Variants in RSU1 observed in about 807,000 individuals in gnomAD.
The protein encoded by RSU1 is Ras suppressor protein 1.
A neutral mutation model predicts 31.1 loss-of-function variants in RSU1; 26 were observed. The observed-to-expected ratio is 0.84, with a 90% CI of 0.61 to 1.16. The LOEUF (loss-of-function observed/expected upper bound fraction) is 1.16, where lower values mean the gene tolerates loss of function less well. Ranked by LOEUF, RSU1 falls within the 50% of genes most tolerant of loss-of-function variation. The probability of loss-of-function intolerance (pLI) is 0.00; values close to 1 mark genes in which losing one functional copy is unlikely to be tolerated. For synonymous variants in RSU1, 164 were observed against 136.3 expected, an observed-to-expected ratio of 1.20 and a Z score of -1.41; for missense variants, 320 against 339.1, an observed-to-expected ratio of 0.94 and a Z score of 0.44.
chr10:16,708,388 G>T (rs1835947868), intron 7 of RSU1, among the ~76,000 whole-genome samples: 1 of 152,140 alleles, frequency 6.6e-6, no homozygotes, highest in Non-Finnish European at 1.5e-5. Flanking sequence ...TAGGCTTCCT[G>T]TTGAGGGATT....
chr10:16,596,882 C>T (rs187625962), intron 8 of RSU1, among the ~76,000 whole-genome samples: 1 of 152,224 alleles, frequency 6.6e-6, no homozygotes, highest in Admixed American at 6.5e-5. Context: ...ACCACCATGC[C>T]TGCCTAATTT....
At chr10:16,788,588 C>A (rs1454955604) in intron 2 of RSU1, among the ~76,000 whole-genome samples, 2 of 152,150 alleles carry the variant, frequency 1.3e-5, no homozygotes, top group African/African-American at 2.4e-5. Flanking sequence ...TTCAAAACCA[C>A]GAATAAAAAA....
intron 8 of RSU1, among the ~76,000 whole-genome samples, chr10:16,656,618 T>C (rs1245505574): frequency 6.6e-6 from 1 of 152,234 alleles, no homozygotes; most frequent in Non-Finnish European, 1.5e-5. Context: ...CGCTATTCCT[T>C]TCCATCCTTG....
intron 2 of RSU1, among the ~76,000 whole-genome samples, chr10:16,815,474 A>G (rs781450520): frequency 6.6e-6 from 1 of 152,162 alleles, no homozygotes; most frequent in African/African-American, 2.4e-5. Context: ...TCTCCTGAAC[A>G]TCTCCCTTCT....
chr10:16,691,722 C>CTTTTT (rs58786188), intron 8 of RSU1, among the ~76,000 whole-genome samples: 3 of 106,044 alleles, frequency 2.8e-5, no homozygotes, highest in Non-Finnish European at 5.4e-5. Context: ...GCTGCTGCTT[C>CTTTTT]TTTTTTTTTT....
chr10:16,813,029 T>C (rs1838440564), intron 2 of RSU1, among the ~76,000 whole-genome samples: 1 of 151,462 alleles, frequency 6.6e-6, no homozygotes. Flanking sequence ...TGTCACCTAG[T>C]AACACGATCA....
intron 2 of RSU1, among the ~76,000 whole-genome samples, chr10:16,794,825 T>G (rs2131664606): frequency 6.6e-6 from 1 of 152,316 alleles, no homozygotes; most frequent in East Asian, 1.9e-4. Context: ...AATTCCTTCC[T>G]ATCTAGAATA....
intron 2 of RSU1, among the ~76,000 whole-genome samples, chr10:16,786,565 T>C (rs1181693204): frequency 6.6e-6 from 1 of 152,004 alleles, no homozygotes; most frequent in Non-Finnish European, 1.5e-5. Context: ...GGGAGTCAGG[T>C]ACCCTCGGCC....
In RSU1 at chr10:16,754,851, T is replaced by A. The variant is rs371971213; in HGVS notation, c.400+20A>T. 31 of 1,465,490 alleles carry A rather than the reference T, an allele frequency of 2.1e-5. No homozygotes were observed. The highest frequency in any genetic ancestry group is 3.0e-5 in the Non-Finnish European group (31 of 1,047,412). The allele number at this position is 1,465,490 out of a possible 1,614,324, so 90.8% of individuals were successfully genotyped here. A position where few individuals can be genotyped will look rare whatever the true frequency, so the allele number is the denominator to read the frequency against. On this transcript the variant is annotated intron_variant, in intron 5 of 8. Coordinates refer to ENST00000345264, the MANE Select transcript of RSU1 (RefSeq NM_012425.4). ...CAAAGTACAAGGTTGAGGAGATTTA[T>A]AGAATTGAAAGTTTCTTACTCAGGT...
At chr10:16,780,942 G>A (rs1046379294) in intron 3 of RSU1, among the ~76,000 whole-genome samples, 9 of 152,120 alleles carry the variant, frequency 5.9e-5, no homozygotes, top group Admixed American at 5.9e-4. Flanking sequence ...GGCTAACAAC[G>A]ACTAATCCAC....
intron 7 of RSU1, among the ~76,000 whole-genome samples, chr10:16,746,530 A>G (rs1836858634): frequency 6.6e-6 from 1 of 152,182 alleles, no homozygotes; most frequent in Admixed American, 6.5e-5. Flanking sequence ...AATGCTCAGG[A>G]AAGAGAATTA....
Position 16,783,026 on chromosome 10 carries a change from T to G in RSU1, c.110-942A>C, listed in dbSNP as rs2131647424. ...CCCAGGTTCAAATGATTCTCCTGCC[T>G]CAGCCTCCCGTGTAGCTGAGATCAC... On this transcript the variant is annotated intron_variant, in intron 2 of 8. Coordinates refer to ENST00000345264, the MANE Select transcript of RSU1 (RefSeq NM_012425.4). Among the ~76,000 whole-genome samples the G allele has an allele frequency of 1.3e-5, 2 of 152,020 alleles. 1 individual carries two copies. Among genetic ancestry groups the G allele is most frequent in the South Asian group, 4.2e-4 (2 of 4,816 alleles).
intron 7 of RSU1, among the ~76,000 whole-genome samples, chr10:16,736,015 G>A (rs535498754): frequency 8.5e-5 from 13 of 152,138 alleles, no homozygotes; most frequent in Non-Finnish European, 1.6e-4. Flanking sequence ...AGCTGTGCAA[G>A]AGTGGATCAA....
Position 16,616,574 on chromosome 10 carries a change from C to A in RSU1, c.732-23078G>T, listed in dbSNP as rs558147241. 2.0e-5 allele frequency among the ~76,000 whole-genome samples: 3 copies of A among 152,212 alleles called. No homozygotes were observed. The South Asian group carries it at 6.2e-4, about 32-fold the overall frequency. On this transcript the variant is annotated intron_variant, in intron 8 of 8. Transcript: ENST00000345264. ...GAGAGACAACAAAAAAAGAAAATTT[C>A]AGGCCAATATTCCTGATGAAGATCA...
chr10:16,690,835 G>A (rs1487572224), intron 8 of RSU1, among the ~76,000 whole-genome samples: 2 of 152,178 alleles, frequency 1.3e-5, no homozygotes, highest in Admixed American at 1.3e-4. Context: ...AGCGGTTGGG[G>A]TGGGGGAAGG....
intron 8 of RSU1, among the ~76,000 whole-genome samples, chr10:16,661,148 C>A (rs1001293952): frequency 6.6e-6 from 1 of 151,862 alleles, no homozygotes; most frequent in African/African-American, 2.4e-5. Flanking sequence ...TATTCTGCAC[C>A]CCAATGTTAT....
intron 7 of RSU1, among the ~76,000 whole-genome samples, chr10:16,706,128 C>A (rs1033360666): frequency 6.6e-6 from 1 of 152,132 alleles, no homozygotes; most frequent in Non-Finnish European, 1.5e-5. Flanking sequence ...TTTTTGAGAC[C>A]ATTTTCAATT....
intron 7 of RSU1, among the ~76,000 whole-genome samples, chr10:16,712,493 C>T (rs7087428): frequency 6.6e-6 from 1 of 151,752 alleles, no homozygotes; most frequent in Non-Finnish European, 1.5e-5. Context: ...ATTATTCTGT[C>T]GTAATTTCTT....
At chr10:16,771,342 A>C (rs567542187) in intron 3 of RSU1, among the ~76,000 whole-genome samples, 2 of 152,342 alleles carry the variant, frequency 1.3e-5, no homozygotes, top group African/African-American at 4.8e-5. Context: ...TAAGGGAGGA[A>C]AAAATCAAAT....
Sources: gnomAD v4.1 joint callset for allele counts (sites outside exome capture counted in the v4.1 genomes callset) on GRCh38, gnomAD v4.1.1 for gene constraint, MANE v1.5 for transcripts, NCBI Gene and HGNC (gene_info 2026-07-23, HGNC 2026-07-21) for gene names.